YTHDC2: variants seen among roughly 807,000 people sequenced by gnomAD.
YTHDC2 encodes the protein 3'-5' RNA helicase YTHDC2.
YTHDC2 carries 45 observed loss-of-function variants against 174.9 expected under a neutral mutation model. The ratio of observed to expected loss-of-function variants is 0.26; its 90% CI spans 0.20 to 0.33. The LOEUF is 0.33. Ranked by LOEUF, YTHDC2 falls within the 10% of genes least tolerant of loss-of-function variation. The pLI is 1.00. For missense variants in YTHDC2, 1,650 were observed against 1,723.7 expected (o/e 0.96, Z 0.76); for synonymous variants, 657 against 574.5 (o/e 1.14, Z -2.05).
At chr5:113,584,551 G>C in intron 26 of YTHDC2, 72 bp downstream of exon 26, 1 of 1,282,182 alleles carries the variant, frequency 7.8e-7, no homozygotes, top group Non-Finnish European at 1.1e-6. Flanking sequence ...AAATAAAATT[G>C]TAAAACAATT....
chr5:113,517,667 C>T (rs1031393384), intron 2 of YTHDC2: 2 of 446,510 alleles, frequency 4.5e-6, no homozygotes, highest in Non-Finnish European at 9.0e-6. Context: ...TTCAAACCTT[C>T]TTACGAAATA....
chr5:113,540,132 C>G (rs1460084394), intron 8 of YTHDC2, among the ~76,000 whole-genome samples: 1 of 152,174 alleles, frequency 6.6e-6, no homozygotes, highest in Non-Finnish European at 1.5e-5. Flanking sequence ...AAGCAATCCT[C>G]TTGCCTCAGT....
chr5:113,566,033 C>G lies in YTHDC2; in HGVS notation c.2842+14C>G, dbSNP rs373517022. On this transcript the variant is annotated intron_variant, in intron 21 of 29. Coordinates refer to ENST00000161863, the MANE Select transcript of YTHDC2 (RefSeq NM_022828.5). ...TTAGAGCATCAGGTAAAGTTTTTCC[C>G]TCAAAGAGCCTATTTAAGTTACTGA... The G allele has an allele frequency of 6.5e-5, 103 of 1,591,030 alleles. No individual in the cohort carries two copies. In the East Asian group the frequency reaches 1.6e-3, roughly 25 times the overall value.
rs1049036042 is a variant in YTHDC2 at position 113,533,058 on chromosome 5, C to G, written c.842+13C>G. 4 of 1,612,452 alleles carry G rather than the reference C, an allele frequency of 2.5e-6. No homozygotes were observed. In the African/African-American group the frequency reaches 4.0e-5, roughly 16 times the overall value. Reference sequence around the variant, plus strand: ...GATTAGAAAGCAGGTAAAAACAGTTCTCATGTATCTTCTCTTTTATCATGC... The same window carrying G: ...GATTAGAAAGCAGGTAAAAACAGTTGTCATGTATCTTCTCTTTTATCATGC... On this transcript the variant is annotated intron_variant, in intron 5 of 29. Coordinates refer to ENST00000161863, the MANE Select transcript of YTHDC2 (RefSeq NM_022828.5).
intron 10 of YTHDC2, among the ~76,000 whole-genome samples, chr5:113,542,751 A>G (rs755683358): frequency 2.0e-5 from 3 of 152,236 alleles, no homozygotes; most frequent in Non-Finnish European, 2.9e-5. Flanking sequence ...GTGTGATTAC[A>G]TGACAATTAT....
At chr5:113,530,643 T>C (rs1774591781) in intron 4 of YTHDC2, among the ~76,000 whole-genome samples, 1 of 152,226 alleles carries the variant, frequency 6.6e-6, no homozygotes, top group Non-Finnish European at 1.5e-5. Flanking sequence ...ACATAAGATA[T>C]ATACATAATC....
chr5:113,553,936 T>C lies in YTHDC2; in HGVS notation c.2053-6T>C, dbSNP rs1399424603. 2 of 1,581,566 alleles carry C rather than the reference T, an allele frequency of 1.3e-6. No individual in the cohort carries two copies. Among genetic ancestry groups the C allele is most frequent in the South Asian group, 2.4e-5 (2 of 84,256 alleles). On this transcript the variant is annotated splice_region_variant and splice_polypyrimidine_tract_variant and intron_variant, in intron 15 of 29. Transcript: ENST00000161863. ...TTATTAACTTTAAAGTAATATCTTG[T>C]TGCAGATTCTTTCCACCAATATTGC... is the stretch of plus-strand genomic sequence containing the variant.
chr5:113,593,406 C>CT lies in YTHDC2; in HGVS notation c.*7+19dup, dbSNP rs1561719158. 17 of 1,576,194 alleles carry CT rather than the reference C, an allele frequency of 1.1e-5. No individual in the cohort carries two copies. The highest frequency in any genetic ancestry group is 1.5e-5 in the Non-Finnish European group (17 of 1,148,360). ...TGACACTCAGGTTATACCATCTTGACTTTGAGTATTGGCAGTATTTGTGAT... is the reference window on the plus strand; with the variant it reads ...TGACACTCAGGTTATACCATCTTGACTTTTGAGTATTGGCAGTATTTGTGAT... On this transcript the variant is annotated intron_variant, in intron 29 of 29. Transcript: ENST00000161863.
chr5:113,549,895 G>A (rs1335340030), intron 12 of YTHDC2, among the ~76,000 whole-genome samples: 1 of 151,814 alleles, frequency 6.6e-6, no homozygotes, highest in Non-Finnish European at 1.5e-5. Context: ...TGCAGTGAGT[G>A]TTTGTTGAAT....
chr5:113,552,905 A>G (rs946575706), intron 12 of YTHDC2, among the ~76,000 whole-genome samples: 25 of 152,052 alleles, frequency 1.6e-4, no homozygotes, highest in African/African-American at 6.0e-4. Flanking sequence ...CATTTCCCTG[A>G]TAGCTAATGA....
intron 12 of YTHDC2, among the ~76,000 whole-genome samples, chr5:113,552,710 A>G (rs1043576028): frequency 7.2e-5 from 11 of 152,082 alleles, no homozygotes; most frequent in African/African-American, 2.7e-4. Context: ...TGGTAACTCT[A>G]TGTTTAACCT....
chr5:113,538,342 A>C (rs112496244), intron 7 of YTHDC2, among the ~76,000 whole-genome samples: 1 of 152,118 alleles, frequency 6.6e-6, no homozygotes, highest in Admixed American at 6.5e-5. Context: ...CTGAGCTTAA[A>C]TCTTTGAATG....
At chr5:113,525,261 C>T (rs1454321723) in intron 3 of YTHDC2, 84 bp downstream of exon 3, 3 of 1,151,832 alleles carry the variant, frequency 2.6e-6, no homozygotes, top group Non-Finnish European at 3.6e-6. Flanking sequence ...TTTCGAAAAC[C>T]AAGATGAAAT....
rs189206842 is a variant in YTHDC2 at position 113,529,300 on chromosome 5, G to A, written c.675+2515G>A. 1.7e-3 allele frequency among the ~76,000 whole-genome samples: 257 copies of A among 152,272 alleles called. 2 individuals are homozygous for A. The highest frequency in any genetic ancestry group is 6.0e-3 in the African/African-American group (250 of 41,564). On this transcript the variant is annotated intron_variant, in intron 4 of 29. Transcript: ENST00000161863. ...CTACTCTAGTTAACATGGCTAAGAA[G>A]TGATAGAGTAGGAATCTTTCTCTTA...
chr5:113,515,557 T>TTTTTG (rs1171155707), intron 2 of YTHDC2, among the ~76,000 whole-genome samples, 195 bp downstream of exon 2: 2 of 152,158 alleles, frequency 1.3e-5, no homozygotes, highest in African/African-American at 4.8e-5. Context: ...CTTCCCCCCT[T>TTTTTG]TTTTGTTTTG....
In YTHDC2 at chr5:113,539,068, A is replaced by C. The variant is rs1775275114; in HGVS notation, c.1103-6A>C. ...GTTGAGTATTTAATTTTTTTTTATT[A>C]TTTAGTACAGGGAAGACCATTTGAA... On this transcript the variant is annotated splice_region_variant and splice_polypyrimidine_tract_variant and intron_variant, in intron 7 of 29. Transcript: ENST00000161863. The C allele has an allele frequency of 1.5e-6, 2 of 1,319,404 alleles. No homozygotes were observed. The highest frequency in any genetic ancestry group is 2.0e-6 in the Non-Finnish European group (2 of 978,498). 81.7% of individuals were successfully genotyped at this position (1,319,404 alleles called of 1,614,324 possible).
At chr5:113,589,900 A>AT (rs1288602950) in intron 26 of YTHDC2, among the ~76,000 whole-genome samples, 1 of 151,838 alleles carries the variant, frequency 6.6e-6, no homozygotes, top group Admixed American at 6.6e-5. Flanking sequence ...TACTTTTGGC[A>AT]TTTTTTTCTT....
At chr5:113,549,118 C>G in intron 12 of YTHDC2, 98 bp downstream of exon 12, 1 of 992,268 alleles carries the variant, frequency 1.0e-6, no homozygotes, top group South Asian at 1.8e-5. Context: ...CATTTATAGT[C>G]TTTTATCCAG....
chr5:113,578,082 T>C (rs1207432152), intron 23 of YTHDC2, among the ~76,000 whole-genome samples: 1 of 152,184 alleles, frequency 6.6e-6, no homozygotes, highest in East Asian at 1.9e-4. Flanking sequence ...CTTACTGAAT[T>C]TTAAAGGTTC....
Sources: allele counts gnomAD v4.1 joint callset (sites outside exome capture counted in the v4.1 genomes callset), GRCh38; gene constraint gnomAD v4.1.1; transcripts MANE v1.5; gene names NCBI Gene and HGNC (gene_info 2026-07-23, HGNC 2026-07-21).